Variants in FRMD3 observed in about 807,000 individuals in gnomAD.
The protein encoded by FRMD3 is FERM domain-containing protein 3.
In FRMD3, 33 loss-of-function variants were observed where a neutral mutation model predicts 70.2. That is an observed-to-expected ratio of 0.47 (90% CI 0.36 to 0.63). The LOEUF (loss-of-function observed/expected upper bound fraction) is 0.63. Among genes scored for constraint, FRMD3 ranks in the 20% least tolerant of loss-of-function variants. The probability of loss-of-function intolerance (pLI) is 0.00; values close to 1 mark genes in which losing one functional copy is unlikely to be tolerated. For missense variants in FRMD3, 632 were observed against 711.4 expected, an observed-to-expected ratio of 0.89 and a Z score of 1.27; for synonymous variants, 279 against 255.9, an observed-to-expected ratio of 1.09 and a Z score of -0.86.
Position 83,454,609 on chromosome 9 carries a change from A to T in FRMD3, c.148-64901T>A, listed in dbSNP as rs545315112. Among the ~76,000 whole-genome samples the T allele has an allele frequency of 7.2e-5, 11 of 152,288 alleles. No homozygotes were observed. In the South Asian group the frequency reaches 2.3e-3, roughly 32 times the overall value. ...AATCACATCTCTATATTTCATGTTT[A>T]TTTCTGGTTGTTGAGAAATTCCCAA... On this transcript the variant is annotated intron_variant, in intron 1 of 13. Coordinates refer to ENST00000304195, the MANE Select transcript of FRMD3 (RefSeq NM_174938.6).
At chr9:83,267,937 T>C (rs1224275202) in intron 13 of FRMD3, among the ~76,000 whole-genome samples, 1 of 152,202 alleles carries the variant, frequency 6.6e-6, no homozygotes, top group Non-Finnish European at 1.5e-5. Flanking sequence ...TATCTCCATC[T>C]CATAACAATG....
In FRMD3 at chr9:83,537,606, G is replaced by C. The variant is rs1200194925; in HGVS notation, c.147+479C>G. 1.3e-5 allele frequency among the ~76,000 whole-genome samples: 2 copies of C among 152,196 alleles called. No individual in the cohort carries two copies. Among genetic ancestry groups the C allele is most frequent in the African/African-American group, 2.4e-5 (1 of 41,452 alleles). The stretch of plus-strand genomic sequence containing the variant: ...CGACACGGAGCGGAAAGCAGGTTCC[G>C]GGACTGAGGGCGTCTCCGGAGCCTG... On this transcript the variant is annotated intron_variant, in intron 1 of 13. Transcript: ENST00000304195. This position sits in a 1 kb window ranked among gnomAD's most constrained non-coding sequence, Gnocchi z 4.1.
At chr9:83,488,409 T>C (rs1428371767) in intron 1 of FRMD3, among the ~76,000 whole-genome samples, 2 of 152,198 alleles carry the variant, frequency 1.3e-5, no homozygotes, top group Admixed American at 6.5e-5. Context: ...CATCTTTAAA[T>C]GCAAATTTAG....
At chr9:83,570,458 G>C in the FRMD3 span, among the ~76,000 whole-genome samples, 1 of 152,172 alleles carries the variant, frequency 6.6e-6, no homozygotes, top group African/African-American at 2.4e-5. Flanking sequence ...TTCTACTGTT[G>C]CATAACAAAT....
At chr9:83,331,906 A>T in intron 6 of FRMD3, 1 of 717,198 alleles carries the variant, frequency 1.4e-6, no homozygotes, top group Non-Finnish European at 2.6e-6. Flanking sequence ...TCTTGGGATG[A>T]GTCCTGATCA....
At chr9:83,356,693 T>C (rs1024781365) in intron 3 of FRMD3, among the ~76,000 whole-genome samples, 2 of 152,062 alleles carry the variant, frequency 1.3e-5, no homozygotes, top group East Asian at 1.9e-4. Context: ...GTTTCTCATA[T>C]ACATTCTGAT....
At chr9:83,518,188 G>T (rs1298348917) in intron 1 of FRMD3, among the ~76,000 whole-genome samples, 2 of 152,148 alleles carry the variant, frequency 1.3e-5, no homozygotes, top group African/African-American at 4.8e-5. Flanking sequence ...TGGAAGAGAG[G>T]AAGTGAAATT....
Position 83,246,511 on chromosome 9 carries a change from C to G in FRMD3, c.*1407G>C, listed in dbSNP as rs1832105715. On this transcript the variant is annotated 3_prime_UTR_variant, in exon 14 of 14. Coordinates refer to ENST00000304195, the MANE Select transcript of FRMD3 (RefSeq NM_174938.6). Reference sequence around the variant, plus strand: ...ATGTCACTACTTTACCCAGGCTGAACTGGTATGTCATCTCATGAGGCCTCT... The same window carrying G: ...ATGTCACTACTTTACCCAGGCTGAAGTGGTATGTCATCTCATGAGGCCTCT... 1.0e-6 allele frequency: 1 copy of G among 985,112 alleles called. No homozygotes were observed. Among genetic ancestry groups the G allele is most frequent in the Admixed American group, 6.2e-5 (1 of 16,248 alleles). 61.0% of individuals were successfully genotyped at this position (985,112 alleles called of 1,614,324 possible).
chr9:83,356,271 A>ATTTTTTTTTTTTTTTTTTTTTTTTT lies in FRMD3; in HGVS notation c.296-6515_296-6514insAAAAAAAAAAAAAAAAAAAAAAAAA, dbSNP rs869149609. 4.2e-5 allele frequency among the ~76,000 whole-genome samples: 4 copies of ATTTTTTTTTTTTTTTTTTTTTTTTT among 94,462 alleles called. 1 individual carries two copies. The highest frequency in any genetic ancestry group is 1.9e-4 in the African/African-American group (4 of 21,610). The allele number at this position is 94,462 out of a possible 152,430, so 62.0% of individuals were successfully genotyped here. On this transcript the variant is annotated intron_variant, in intron 3 of 13. Coordinates refer to ENST00000304195, the MANE Select transcript of FRMD3 (RefSeq NM_174938.6). ...TGAGAGAGAAGCATCACTCAGCAGCATTTTTTTTTTTTTTTTTTTTTTTTG... is the reference window on the plus strand; with the variant it reads ...TGAGAGAGAAGCATCACTCAGCAGCATTTTTTTTTTTTTTTTTTTTTTTTTTTTTTTTTTTTTTTTTTTTTTTTTG...
At chr9:83,292,913 G>A (rs1834499430) in intron 12 of FRMD3, among the ~76,000 whole-genome samples, 1 of 152,186 alleles carries the variant, frequency 6.6e-6, no homozygotes, top group Non-Finnish European at 1.5e-5. Flanking sequence ...CCAAAGTGCT[G>A]GGATTACAGG....
chr9:83,301,722 T>C (rs571664107), intron 10 of FRMD3, among the ~76,000 whole-genome samples: 2 of 152,344 alleles, frequency 1.3e-5, no homozygotes, highest in African/African-American at 4.8e-5. Flanking sequence ...GAAGCCACTA[T>C]CATCGGCTTG....
At chr9:83,285,152 A>C (rs894190224) in intron 13 of FRMD3, among the ~76,000 whole-genome samples, 5 of 152,224 alleles carry the variant, frequency 3.3e-5, no homozygotes, top group African/African-American at 1.2e-4. Flanking sequence ...AGACACTGTA[A>C]GCAACCCTTT....
chr9:83,574,125 G>T, the FRMD3 span, among the ~76,000 whole-genome samples: 1 of 152,110 alleles, frequency 6.6e-6, no homozygotes, highest in African/African-American at 2.4e-5. Context: ...TAGTGGCAAA[G>T]CCACACCCAG....
chr9:83,483,488 T>C (rs12349480), intron 1 of FRMD3, among the ~76,000 whole-genome samples: 14,622 of 152,250 alleles, frequency 0.096, 843 homozygotes, highest in African/African-American at 0.15. Context: ...TGGCCAGCTA[T>C]CTACACCACT....
At chr9:83,334,518 T>C (rs1316197395) in intron 6 of FRMD3, among the ~76,000 whole-genome samples, 5 of 152,300 alleles carry the variant, frequency 3.3e-5, no homozygotes, top group African/African-American at 1.2e-4. Flanking sequence ...AATGATGCAA[T>C]TTTCTTTATA....
intron 5 of FRMD3, among the ~76,000 whole-genome samples, chr9:83,337,550 G>C (rs891392753): frequency 1.3e-5 from 2 of 152,196 alleles, no homozygotes; most frequent in African/African-American, 4.8e-5. Context: ...GAAGAAGCAA[G>C]TGTCTCTGGA....
At chr9:83,515,639 A>G (rs906746206) in intron 1 of FRMD3, among the ~76,000 whole-genome samples, 2 of 152,240 alleles carry the variant, frequency 1.3e-5, no homozygotes, top group African/African-American at 4.8e-5. Flanking sequence ...ATACTCCTCA[A>G]TAAGAGCAAC....
chr9:83,252,155 C>T (rs1832458502), intron 13 of FRMD3, among the ~76,000 whole-genome samples: 1 of 152,144 alleles, frequency 6.6e-6, no homozygotes, highest in Admixed American at 6.5e-5. Flanking sequence ...AAGGGAAACT[C>T]ATCAGACTAA....
chr9:83,361,658 A>G (rs1490974928), intron 3 of FRMD3, among the ~76,000 whole-genome samples: 1 of 152,228 alleles, frequency 6.6e-6, no homozygotes, highest in African/African-American at 2.4e-5. Flanking sequence ...ATGGAACCCT[A>G]TTTGGAAATA....
Sources: allele counts gnomAD v4.1 joint callset (sites outside exome capture counted in the v4.1 genomes callset), GRCh38; gene constraint gnomAD v4.1.1; non-coding constraint Gnocchi (gnomAD v3.1); transcripts MANE v1.5; gene names NCBI Gene and HGNC (gene_info 2026-07-23, HGNC 2026-07-21).